Variants in CDC27 observed in about 807,000 individuals in gnomAD.
CDC27 encodes cell division cycle protein 27 homolog.
CDC27 carries 27 observed loss-of-function variants against 109.7 expected under a neutral mutation model. That is an observed-to-expected ratio of 0.25 (90% CI 0.18 to 0.34). The LOEUF (loss-of-function observed/expected upper bound fraction) is 0.34. Ranked by LOEUF, CDC27 falls within the 10% of genes least tolerant of loss-of-function variation. CDC27 has a pLI of 1.00. For missense variants in CDC27, 579 were observed against 960.2 expected, an observed-to-expected ratio of 0.60 and a Z score of 5.25; for synonymous variants, 266 against 333.9, an observed-to-expected ratio of 0.80 and a Z score of 2.22.
At chr17:47,149,509 T>TAAAAAAAAAAAA (rs34375130) in intron 9 of CDC27, among the ~76,000 whole-genome samples, 1 of 112,178 alleles carries the variant, frequency 8.9e-6, no homozygotes, top group Non-Finnish European at 1.8e-5. Context: ...GACTCTGTCT[T>TAAAAAAAAAAAA]AAAAAAAAAA....
At chr17:47,159,543 G>C in intron 4 of CDC27, 1 of 499,978 alleles carries the variant, frequency 2.0e-6, no homozygotes, top group Non-Finnish European at 3.6e-6. Context: ...ACGGCGTAGG[G>C]CTTGCCAATC....
intron 1 of CDC27, among the ~76,000 whole-genome samples, chr17:47,186,404 T>C (rs2064437029): frequency 6.6e-6 from 1 of 152,232 alleles, no homozygotes; most frequent in South Asian, 2.1e-4. Context: ...CTTATTAAAT[T>C]AATTTTCGAA....
intron 8 of CDC27, among the ~76,000 whole-genome samples, chr17:47,153,377 C>T (rs1361010672): frequency 6.6e-6 from 1 of 152,202 alleles, no homozygotes; most frequent in Non-Finnish European, 1.5e-5. Context: ...ACCTGGCATG[C>T]TAACTACCAT....
At chr17:47,181,372 A>G (rs183810492) in intron 2 of CDC27, 190 bp downstream of exon 2, 1 of 361,444 alleles carries the variant, frequency 2.8e-6, no homozygotes, top group Admixed American at 4.3e-5. Flanking sequence ...ACCTGAATCA[A>G]TTCTACATAG....
At chr17:47,144,333 C>T (rs2148874343) in intron 9 of CDC27, among the ~76,000 whole-genome samples, 1 of 152,304 alleles carries the variant, frequency 6.6e-6, no homozygotes, top group East Asian at 1.9e-4. Context: ...TTCACTCTCT[C>T]TGAAATTCTT....
chr17:47,180,559 G>A (rs780193340), intron 2 of CDC27, among the ~76,000 whole-genome samples: 2 of 148,518 alleles, frequency 1.3e-5, no homozygotes, highest in Non-Finnish European at 3.0e-5. Context: ...AACCCATACT[G>A]TTTGACTTGT....
At chr17:47,159,244 G>A (rs1483146980) in intron 4 of CDC27, 1 of 519,138 alleles carries the variant, frequency 1.9e-6, no homozygotes, top group Non-Finnish European at 3.3e-6. Context: ...ACTCTAGTGT[G>A]GGTCTTGACG....
chr17:47,124,280 T>TATCTATCTATCC (rs1373741732), intron 16 of CDC27, among the ~76,000 whole-genome samples: 3 of 151,888 alleles, frequency 2.0e-5, no homozygotes, highest in Non-Finnish European at 4.4e-5. Context: ...TCTATCTATC[T>TATCTATCTATCC]ATCTATTCAT....
chr17:47,188,999 A>C (rs2064563520), intron 1 of CDC27, 147 bp downstream of exon 1: 1 of 1,495,478 alleles, frequency 6.7e-7, no homozygotes, highest in Non-Finnish European at 9.0e-7. Flanking sequence ...AAGGCCTCCG[A>C]ACTGACTAAA....
chr17:47,141,631 G>C (rs1207754429), intron 12 of CDC27, among the ~76,000 whole-genome samples: 1 of 151,774 alleles, frequency 6.6e-6, no homozygotes, highest in Non-Finnish European at 1.5e-5. Flanking sequence ...GGATGACTTG[G>C]GTCTCTATAA....
intron 2 of CDC27, among the ~76,000 whole-genome samples, chr17:47,173,113 A>G (rs189142664): frequency 1.1e-4 from 17 of 152,352 alleles, no homozygotes; most frequent in African/African-American, 3.8e-4. Flanking sequence ...CCACTGTTGT[A>G]AAGTACAAGA....
intron 4 of CDC27, among the ~76,000 whole-genome samples, chr17:47,160,237 T>C (rs940600877): frequency 6.6e-6 from 1 of 150,994 alleles, no homozygotes; most frequent in Non-Finnish European, 1.5e-5. Flanking sequence ...CTTTTTTTTT[T>C]TTTTTTTTTC....
Position 47,120,865 on chromosome 17 carries a change from G to C in CDC27, c.*70C>G, listed in dbSNP as rs2061965310. The C allele has an allele frequency of 9.1e-7, 1 of 1,095,066 alleles. No homozygotes were observed. The highest frequency in any genetic ancestry group is 1.4e-6 in the Non-Finnish European group (1 of 720,824). The allele number at this position is 1,095,066 out of a possible 1,614,324, so 67.8% of individuals were successfully genotyped here. A position where few individuals can be genotyped will look rare whatever the true frequency, so the allele number is the denominator to read the frequency against. On this transcript the variant is annotated 3_prime_UTR_variant, in exon 19 of 19. Transcript: ENST00000066544. ...CCGCCAGCTCAAGAGTAAAGACTCA[G>C]TATACAGAGGGACAAGAAACACGTC...
intron 16 of CDC27, among the ~76,000 whole-genome samples, chr17:47,124,509 C>T (rs2062076849): frequency 6.6e-6 from 1 of 152,178 alleles, no homozygotes; most frequent in African/African-American, 2.4e-5. Context: ...GTCTTGAACT[C>T]CTGACCTCAA....
Position 47,138,851 on chromosome 17 carries a change from T to C in CDC27, c.1592A>G (p.Tyr531Cys), listed in dbSNP as rs961087020. ...GTAGATCTCCATGCCTTCAACTCTATAATTCTCAATCCTTCTAACCTCTGA... is the reference window on the plus strand; with the variant it reads ...GTAGATCTCCATGCCTTCAACTCTACAATTCTCAATCCTTCTAACCTCTGA... ...IFSEVRRIEN[Y>C]RVEGMEIYST... Residue 531 changes from tyrosine to cysteine, a missense_variant, in exon 13 of 19, where the codon TAT (tyrosine) becomes TGT (cysteine). Physicochemically the swap from Tyr to Cys is radical, Grantham distance 194. Around this residue, in one of 9 missense-constraint regions of CDC27, gnomAD observed 227 missense variants for 363.6 expected, o/e 0.62. Transcript: ENST00000066544. 1.9e-6 allele frequency: 3 copies of C among 1,605,914 alleles called. No individual in the cohort carries two copies. The highest frequency in any genetic ancestry group is 1.7e-6 in the Non-Finnish European group (2 of 1,174,596).
At chr17:47,132,149 C>T (rs1252717910) in intron 15 of CDC27, 108 bp downstream of exon 15, 1 of 619,250 alleles carries the variant, frequency 1.6e-6, no homozygotes. Context: ...CTCCAGAATA[C>T]TGTTTCAACA....
intron 2 of CDC27, 53 bp from the exon 3 acceptor site, chr17:47,172,117 T>C: frequency 1.7e-6 from 2 of 1,206,470 alleles, no homozygotes; most frequent in South Asian, 3.5e-5. Context: ...TGAATGATAA[T>C]CAGTTTATCA....
Position 47,122,468 on chromosome 17 carries a change from G to C in CDC27, c.2368C>G (p.Pro790Ala), listed in dbSNP as rs1251509365. 6.2e-7 allele frequency: 1 copy of C among 1,604,400 alleles called. No homozygotes were observed. The change falls in exon 18 of 19, where the codon CCA (proline) becomes GCA (alanine). Residue 790 changes from proline (P) to alanine (A), a missense_variant. This residue lies in a region of CDC27 where 227 missense variants were observed against 363.6 expected (regional missense o/e 0.62). Transcript: ENST00000066544. ...DKRYLPDDEE[P>A]ITQEEQIMGT... ...CTGATCTGTTCTTCTTGGGTTATTG[G>C]CTCCTCATCATCTGGAAGATAACGC...
At chr17:47,167,028 T>A (rs545511581) in intron 4 of CDC27, among the ~76,000 whole-genome samples, 1 of 152,298 alleles carries the variant, frequency 6.6e-6, no homozygotes, top group African/African-American at 2.4e-5. Context: ...CTAACTTTTT[T>A]ATTTTTAGTA....
Sources: allele counts gnomAD v4.1 joint callset (sites outside exome capture counted in the v4.1 genomes callset), GRCh38; gene constraint gnomAD v4.1.1; regional missense constraint gnomAD v4.1.1; transcripts MANE v1.5; gene names NCBI Gene and HGNC (gene_info 2026-07-23, HGNC 2026-07-21).